Variants in PIP observed in about 807,000 individuals in gnomAD.
The protein encoded by PIP is prolactin-inducible protein.
Under a neutral mutation model 12.8 loss-of-function variants are expected in PIP, and 9 were observed. That is an observed-to-expected ratio of 0.70 (90% CI 0.42 to 1.23). The LOEUF is 1.23. Among genes scored for constraint, PIP ranks in the 50% most tolerant of loss-of-function variants. The pLI, the probability that PIP is intolerant of heterozygous loss-of-function variation, is 0.00. For synonymous variants in PIP, 60 were observed against 66.1 expected (o/e 0.91, Z 0.45); for missense variants, 172 against 179.5 (o/e 0.96, Z 0.24).
At chr7:143,135,688 G>A (rs1385077982) in intron 2 of PIP, among the ~76,000 whole-genome samples, 3 of 152,016 alleles carry the variant, frequency 2.0e-5, no homozygotes, top group Non-Finnish European at 4.4e-5. Flanking sequence ...CATAGGTTGA[G>A]GTGGGTGGGC....
intron 2 of PIP, among the ~76,000 whole-genome samples, chr7:143,138,148 A>G (rs1275800245): frequency 6.6e-6 from 1 of 152,098 alleles, no homozygotes; most frequent in Non-Finnish European, 1.5e-5. Flanking sequence ...AAGGTAGTAC[A>G]TTCAGGCTGT....
intron 2 of PIP, among the ~76,000 whole-genome samples, chr7:143,136,473 A>G (rs1343597152): frequency 1.3e-5 from 2 of 152,160 alleles, no homozygotes; most frequent in Admixed American, 1.3e-4. Flanking sequence ...AGCAAAGAAT[A>G]TCACAGCTGC....
chr7:143,139,676 TTTCCTC>T lies in PIP; in HGVS notation c.*36_*41del. ...CTGTCTGTTTGCCACACCCAGGTGA[TTTCCTC>T]TAAAGAAACTTGGCTGGAATTTCTG... On this transcript the variant is annotated 3_prime_UTR_variant, in exon 4 of 4. Coordinates refer to ENST00000291009, the MANE Select transcript of PIP (RefSeq NM_002652.3). 6.3e-7 allele frequency: 1 copy of T among 1,584,584 alleles called. No individual in the cohort carries two copies. Among genetic ancestry groups the T allele is most frequent in the Non-Finnish European group, 8.6e-7 (1 of 1,157,162 alleles).
At position 143,132,285 on chromosome 7, in the gene PIP, T is replaced by A. The variant is rs949218629; in HGVS notation, c.95+74T>A. On this transcript the variant is annotated intron_variant, in intron 1 of 3. Transcript: ENST00000291009. The stretch of plus-strand genomic sequence containing the variant: ...CCTCTCCCAGTCTGGAAATTACATA[T>A]CTCTTTCTGAGAATTTCTTTCAACT... 23 of 1,527,024 alleles carry A rather than the reference T, an allele frequency of 1.5e-5. No homozygotes were observed. The African/African-American group carries it at 3.2e-4, about 21-fold the overall frequency. 94.6% of individuals were successfully genotyped at this position (1,527,024 alleles called of 1,614,324 possible).
rs535820268 is a variant in PIP at position 143,133,573 on chromosome 7, G to A, written c.95+1362G>A. 1.1e-3 allele frequency among the ~76,000 whole-genome samples: 174 copies of A among 152,154 alleles called. 2 individuals carry two copies. Among genetic ancestry groups the A allele is most frequent in the Non-Finnish European group, 1.3e-4 (9 of 67,964 alleles). On this transcript the variant is annotated intron_variant, in intron 1 of 3. Coordinates refer to ENST00000291009, the MANE Select transcript of PIP (RefSeq NM_002652.3). ...GCCCCGAACCCAGTCCTCATTGACT[G>A]AAGAAGAACATTTGACCATTTTATT...
At chr7:143,138,861 A>G (rs534090966) in intron 2 of PIP, among the ~76,000 whole-genome samples, 20 of 152,124 alleles carry the variant, frequency 1.3e-4, no homozygotes, top group African/African-American at 4.6e-4. Context: ...GCTTCTCCAC[A>G]CTGCTAAGGC....
intron 1 of PIP, among the ~76,000 whole-genome samples, chr7:143,132,971 T>C (rs1173073793): frequency 1.3e-5 from 2 of 151,968 alleles, no homozygotes; most frequent in Non-Finnish European, 2.9e-5. Flanking sequence ...CTCTATGGCA[T>C]GGTCAGATAT....
At position 143,139,736 on chromosome 7, in the gene PIP, A is replaced by C; in HGVS notation, c.*94A>C. ...TGGTCTATAAAATAAACTTCTTAAC[A>C]TGCTTCTCCATGTTCTGTTGTATCT... On this transcript the variant is annotated 3_prime_UTR_variant, in exon 4 of 4. Coordinates refer to ENST00000291009, the MANE Select transcript of PIP (RefSeq NM_002652.3). 8.4e-7 allele frequency: 1 copy of C among 1,190,322 alleles called. No homozygotes were observed. Among genetic ancestry groups the C allele is most frequent in the Non-Finnish European group, 1.2e-6 (1 of 827,568 alleles). The allele number at this position is 1,190,322 out of a possible 1,614,324, so 73.7% of individuals were successfully genotyped here.
Position 143,139,188 on chromosome 7 carries a change from C to T in PIP, c.315C>T (p.Asn105=). The part of the protein sequence containing the change: ...PKTFYWDFYT[N]RTVQIAAVVD... ...CCTTCTACTGGGACTTTTACACCAA[C>T]AGTAAGTACAGAAGTTGTCCAAGGA... is the stretch of plus-strand genomic sequence containing the variant. Residue 105 remains asparagine, a splice_region_variant and synonymous_variant, in exon 3 of 4, where the codon AAC becomes AAT. Transcript: ENST00000291009. 6.6e-7 allele frequency: 1 copy of T among 1,509,126 alleles called. No individual in the cohort carries two copies. The highest frequency in any genetic ancestry group is 9.2e-7 in the Non-Finnish European group (1 of 1,083,646). The allele number at this position is 1,509,126 out of a possible 1,614,324, so 93.5% of individuals were successfully genotyped here.
chr7:143,132,519 C>A (rs1289114336), intron 1 of PIP, among the ~76,000 whole-genome samples: 1 of 152,110 alleles, frequency 6.6e-6, no homozygotes, highest in African/African-American at 2.4e-5. Context: ...ATAATTTATA[C>A]CTTTGTTCAG....
intron 1 of PIP, among the ~76,000 whole-genome samples, chr7:143,132,694 G>C (rs917283523): frequency 1.3e-5 from 2 of 152,114 alleles, no homozygotes; most frequent in Admixed American, 1.3e-4. Flanking sequence ...TAGACTGGCA[G>C]CTTAGACATT....
At position 143,132,211 on chromosome 7, in the gene PIP, C is replaced by G. The variant is rs142425119; in HGVS notation, c.95C>G (p.Thr32Ser). 2.1e-4 allele frequency: 336 copies of G among 1,613,314 alleles called. 3 individuals carry two copies. The highest frequency in any genetic ancestry group is 2.6e-4 in the Non-Finnish European group (306 of 1,179,462). The change falls in exon 1 of 4, where the codon ACT (threonine) becomes AGT (serine). Residue 32 changes from threonine (T) to serine (S), a missense_variant and splice_region_variant. Thr to Ser is a moderately conservative substitution (Grantham distance 58). Coordinates refer to ENST00000291009, the MANE Select transcript of PIP (RefSeq NM_002652.3). ...GGGGCCAACAAAGCTCAGGACAACA[C>G]GTGAGCCATGCCCTTCTCCTCCCCA... ...QLGANKAQDN[T>S]RKIIIKNFDI...
At chr7:143,135,005 A>G (rs1298080753) in intron 1 of PIP, among the ~76,000 whole-genome samples, 189 bp from the exon 2 acceptor site, 1 of 152,082 alleles carries the variant, frequency 6.6e-6, no homozygotes, top group Non-Finnish European at 1.5e-5. Flanking sequence ...ACAAAATTAA[A>G]TCTGTGTGAA....
rs371981429 is a variant in PIP, at chr7:143,139,169, A to G, written c.296A>G (p.Tyr99Cys). 2 of 1,585,188 alleles carry G rather than the reference A, an allele frequency of 1.3e-6. No individual in the cohort carries two copies. The highest frequency in any genetic ancestry group is 2.2e-5 in the East Asian group (1 of 44,790). ...TGTGACGACAATCCAAAAACCTTCTACTGGGACTTTTACACCAACAGTAAG... is the reference window on the plus strand; with the variant it reads ...TGTGACGACAATCCAAAAACCTTCTGCTGGGACTTTTACACCAACAGTAAG... ...CLCDDNPKTF[Y>C]WDFYTNRTVQ... Residue 99 changes from tyrosine (Y) to cysteine (C), a missense_variant, in exon 3 of 4, where the codon TAC becomes TGC. Physicochemically the swap from Tyr to Cys is radical, Grantham distance 194 (BLOSUM62 -2). Transcript: ENST00000291009.
intron 2 of PIP, among the ~76,000 whole-genome samples, chr7:143,137,097 T>G (rs1329861913): frequency 6.6e-6 from 1 of 152,000 alleles, no homozygotes; most frequent in Non-Finnish European, 1.5e-5. Context: ...TATTTTAGAA[T>G]TAGAATAGAA....
At chr7:143,138,953 C>A (rs937769973) in intron 2 of PIP, 122 bp from the exon 3 acceptor site, 4 of 665,632 alleles carry the variant, frequency 6.0e-6, no homozygotes, top group African/African-American at 1.8e-5. Context: ...TAGACTCCCC[C>A]TTGCCCTAGG....
intron 1 of PIP, among the ~76,000 whole-genome samples, chr7:143,134,643 GA>G (rs1799286468): frequency 6.6e-6 from 1 of 151,980 alleles, no homozygotes; most frequent in African/African-American, 2.4e-5. Context: ...TCTGTTGCTA[GA>G]AAATTTTCTC....
chr7:143,137,764 G>A (rs1799325146), intron 2 of PIP, among the ~76,000 whole-genome samples: 1 of 151,962 alleles, frequency 6.6e-6, no homozygotes, highest in Non-Finnish European at 1.5e-5. Context: ...GCCAGGGCTG[G>A]TAGCACGCAC....
At chr7:143,132,334 C>A in intron 1 of PIP, 123 bp downstream of exon 1, 10 of 1,098,498 alleles carry the variant, frequency 9.1e-6, no homozygotes, top group Non-Finnish European at 1.3e-5. Flanking sequence ...GTCCCAGGAG[C>A]TCCCATGGAT....
Sources: allele counts gnomAD v4.1 joint callset (sites outside exome capture counted in the v4.1 genomes callset), GRCh38; gene constraint gnomAD v4.1.1; transcripts MANE v1.5; gene names NCBI Gene and HGNC (gene_info 2026-07-23, HGNC 2026-07-21).